Variants in PKHD1 observed in about 807,000 individuals in gnomAD.
PKHD1 encodes fibrocystin.
Under a neutral mutation model 412.0 loss-of-function variants are expected in PKHD1, and 291 were observed. The ratio of observed to expected loss-of-function variants is 0.71; its 90% confidence interval spans 0.64 to 0.78. The LOEUF (loss-of-function observed/expected upper bound fraction) is 0.78, where lower values mean the gene tolerates loss of function less well. PKHD1 is among the 30% of genes least tolerant of loss of function. The pLI is 0.00. For missense variants in PKHD1, 4,825 were observed against 4,950.7 expected (o/e 0.97, Z 0.76); for synonymous variants, 1,777 against 1,821.5 (o/e 0.98, Z 0.62).
chr6:52,065,087 G>A (rs1025979299), intron 12 of PKHD1, 37 bp from the exon 13 acceptor site: 2 of 934,774 alleles, frequency 2.1e-6, no homozygotes, highest in African/African-American at 3.5e-5. Context: ...ATGTGTGTGT[G>A]TGTAGGTATA....
intron 52 of PKHD1, among the ~76,000 whole-genome samples, chr6:51,820,117 A>G (rs1276686226): frequency 6.6e-6 from 1 of 152,192 alleles, no homozygotes; most frequent in Non-Finnish European, 1.5e-5. Flanking sequence ...GCTTATCTCC[A>G]TCTGGGGCTG....
chr6:51,918,349 G>GC, intron 37 of PKHD1, among the ~76,000 whole-genome samples: 1 of 151,706 alleles, frequency 6.6e-6, no homozygotes, highest in South Asian at 2.1e-4. Context: ...CTTTCCCCTT[G>GC]CCCCCCACCC....
intron 34 of PKHD1, among the ~76,000 whole-genome samples, chr6:52,014,053 T>C (rs1800146452): frequency 6.6e-6 from 1 of 152,216 alleles, no homozygotes; most frequent in South Asian, 2.1e-4. Context: ...GGAAATTACT[T>C]AATCTTCACT....
chr6:51,974,710 G>A (rs1319993022), intron 35 of PKHD1, among the ~76,000 whole-genome samples: 2 of 152,156 alleles, frequency 1.3e-5, no homozygotes, highest in Non-Finnish European at 2.9e-5. Context: ...GGGGAAAAGG[G>A]TGGGAGGGAG....
At chr6:52,034,006 G>C (rs1803511852) in intron 28 of PKHD1, among the ~76,000 whole-genome samples, 1 of 151,980 alleles carries the variant, frequency 6.6e-6, no homozygotes, top group South Asian at 2.1e-4. Flanking sequence ...GTGCATGCCT[G>C]TAATTCAAGC....
At chr6:51,836,854 G>C (rs1269506896) in intron 50 of PKHD1, among the ~76,000 whole-genome samples, 1 of 152,118 alleles carries the variant, frequency 6.6e-6, no homozygotes, top group Non-Finnish European at 1.5e-5. Flanking sequence ...TTCACCAATA[G>C]AGTTCAGATC....
At chr6:51,983,051 A>G (rs182527314) in intron 35 of PKHD1, among the ~76,000 whole-genome samples, 405 of 152,144 alleles carry the variant, frequency 2.7e-3, no homozygotes, top group African/African-American at 9.1e-3. Flanking sequence ...AGTGAAGTGT[A>G]CCGTTAACAA....
chr6:52,042,701 C>A (rs918172954), intron 27 of PKHD1, among the ~76,000 whole-genome samples, 158 bp downstream of exon 27: 1 of 152,154 alleles, frequency 6.6e-6, no homozygotes, highest in African/African-American at 2.4e-5. Flanking sequence ...CATTTAAGGG[C>A]TCAAATGTTT....
rs958238902 is a variant in PKHD1, at chr6:51,856,217, G to T, written c.7734-147C>A. ...CCTCTTTAGTTGTATGTCTAGGGAG[G>T]TTTTAGCAGTCACTGTGTGAGTGAA... On this transcript the variant is annotated intron_variant, in intron 48 of 66. Coordinates refer to ENST00000371117, the MANE Select transcript of PKHD1 (RefSeq NM_138694.4). The T allele has an allele frequency of 7.4e-6, 5 of 677,874 alleles. No individual in the cohort carries two copies. The Admixed American group carries it at 1.1e-4, about 15-fold the overall frequency. 42.0% of individuals were successfully genotyped at this position (677,874 alleles called of 1,614,324 possible).
chr6:51,650,291 A>G (rs1770728540), intron 61 of PKHD1, among the ~76,000 whole-genome samples: 1 of 152,156 alleles, frequency 6.6e-6, no homozygotes, highest in African/African-American at 2.4e-5. Flanking sequence ...CTATTGTCCC[A>G]TTAAGCCTAT....
intron 43 of PKHD1, among the ~76,000 whole-genome samples, chr6:51,887,823 A>C (rs1778460684): frequency 6.6e-6 from 1 of 152,216 alleles, no homozygotes; most frequent in African/African-American, 2.4e-5. Context: ...GTATTTCTTT[A>C]TAGCAATGCG....
Position 52,025,970 on chromosome 6 carries a change from A to T in PKHD1, c.3840T>A (p.Arg1280=). ...TCCCCACCAAGCTTGGTGAAGGACC[A>T]CGGGCGAAGAACCTGTTGCCAGCCC... The part of the protein sequence containing the change: ...EVWAGNRFFA[R]GPSPSLVGKG... The change falls in exon 32 of 67, where the codon CGT becomes CGA. Residue 1280 remains arginine (R), a synonymous_variant. Coordinates refer to ENST00000371117, the MANE Select transcript of PKHD1 (RefSeq NM_138694.4). 6.2e-7 allele frequency: 1 copy of T among 1,614,110 alleles called. No individual in the cohort carries two copies. The highest frequency in any genetic ancestry group is 8.5e-7 in the Non-Finnish European group (1 of 1,180,034).
chr6:51,883,367 A>G, intron 45 of PKHD1, 140 bp from the exon 46 acceptor site: 3 of 749,766 alleles, frequency 4.0e-6, no homozygotes, highest in Non-Finnish European at 4.6e-6. Flanking sequence ...CAATGTCAGT[A>G]TAGGCATCCT....
rs200432861 is a variant in PKHD1, at chr6:51,775,844, G to C, written c.8518C>G (p.Arg2840Gly). 3.2e-5 allele frequency: 51 copies of C among 1,590,584 alleles called. No homozygotes were observed. Among genetic ancestry groups the C allele is most frequent in the Non-Finnish European group, 3.8e-5 (44 of 1,159,996 alleles). Residue 2840 changes from arginine (R) to glycine (G), a missense_variant, in exon 54 of 67, where the codon CGT becomes GGT. Transcript: ENST00000371117. ...LRASEGVFCD[R>G]MNGIHIDPGT... ...GGGTCAATATGAATTCCATTCATAC[G>C]GTCACAAAAGACTCCCTCTGAGGCT...
At chr6:52,065,150 TATATATATATATATATATAGAGAGAG>T (rs960797780) in intron 12 of PKHD1, 100 bp from the exon 13 acceptor site, 8 of 74,452 alleles carry the variant, frequency 1.1e-4, no homozygotes, top group African/African-American at 4.8e-4. Flanking sequence ...TATATATATA[TATATATATATATATATATAGAGAGAG>T]AGAGAGAGAG....
At chr6:52,052,805 A>C (rs867572525) in intron 21 of PKHD1, among the ~76,000 whole-genome samples, 3 of 152,184 alleles carry the variant, frequency 2.0e-5, no homozygotes, top group Non-Finnish European at 2.9e-5. Context: ...TGAAGAAACC[A>C]AGACTTCCCA....
rs767862814 is a variant in PKHD1 at position 52,073,491 on chromosome 6, A to C, written c.499T>G (p.Phe167Val). 1 of 1,608,596 alleles carries C rather than the reference A, an allele frequency of 6.2e-7. No individual in the cohort carries two copies. Among genetic ancestry groups the C allele is most frequent in the African/African-American group, 1.3e-5 (1 of 74,912 alleles). The change falls in exon 7 of 67, where the codon TTT (phenylalanine) becomes GTT (valine). Residue 167 changes from phenylalanine to valine, a missense_variant. By Grantham distance (50) the Phe-to-Val change is conservative. Transcript: ENST00000371117. ...TCAATGTACTCAGCATCAAAATCAA[A>C]AGTTTCCAATCTTCCAGTGATAATC... Reference protein sequence around the residue: ...GWIITGRLETFDFDAEYIDSP... With the variant: ...GWIITGRLETVDFDAEYIDSP...
intron 60 of PKHD1, among the ~76,000 whole-genome samples, chr6:51,713,118 C>T (rs1051857139): frequency 2.0e-5 from 3 of 152,016 alleles, no homozygotes; most frequent in Non-Finnish European, 4.4e-5. Flanking sequence ...TATAATTATT[C>T]ATATTATTGT....
intron 52 of PKHD1, among the ~76,000 whole-genome samples, chr6:51,818,570 G>C (rs1300113741): frequency 6.6e-6 from 1 of 152,140 alleles, no homozygotes; most frequent in Non-Finnish European, 1.5e-5. Context: ...AACAAAAAAT[G>C]TGGCCGAGGC....
Sources: gnomAD v4.1 joint callset for allele counts (sites outside exome capture counted in the v4.1 genomes callset) on GRCh38, gnomAD v4.1.1 for gene constraint, MANE v1.5 for transcripts, NCBI Gene and HGNC (gene_info 2026-07-23, HGNC 2026-07-21) for gene names.